Variants in CEP295 observed in about 807,000 individuals in gnomAD.
The protein encoded by CEP295 is centrosomal protein of 295 kDa.
A neutral mutation model predicts 291.6 loss-of-function variants in CEP295; 190 were observed. That is an observed-to-expected ratio of 0.65 (90% CI 0.58 to 0.73). The LOEUF is 0.73. Ranked by LOEUF, CEP295 falls within the 30% of genes least tolerant of loss-of-function variation. The pLI is 0.00. For missense variants in CEP295, 2,863 were observed against 2,949.4 expected, an observed-to-expected ratio of 0.97 and a Z score of 0.68; for synonymous variants, 993 against 1,038.8, an observed-to-expected ratio of 0.96 and a Z score of 0.85.
intron 6 of CEP295, among the ~76,000 whole-genome samples, chr11:93,677,255 T>A (rs1950740434): frequency 6.6e-6 from 1 of 152,128 alleles, no homozygotes; most frequent in Non-Finnish European, 1.5e-5. Flanking sequence ...ACAGCAGGTA[T>A]CATATAAAAA....
intron 24 of CEP295, 29 bp from the exon 25 acceptor site, chr11:93,728,652 A>T (rs1937768033): frequency 6.6e-7 from 1 of 1,505,820 alleles, no homozygotes; most frequent in Non-Finnish European, 8.8e-7. Context: ...CTATTTTGAC[A>T]TGGTTTTCCT....
Position 93,698,421 on chromosome 11 carries a change from C to A in CEP295, c.3509C>A (p.Ser1170Ter). The A allele has an allele frequency of 6.4e-7, 1 of 1,552,074 alleles. No individual in the cohort carries two copies. The highest frequency in any genetic ancestry group is 1.2e-5 in the South Asian group (1 of 84,054). The change falls in exon 15 of 30, where the codon TCA (serine) becomes TAA (stop). Residue 1170 changes from serine (S) to a stop codon, truncating the protein, a stop_gained. Transcript: ENST00000325212. LOFTEE classifies it high-confidence loss of function. ...AATTTGACAATACTCCAAGAACAGT[C>A]ACAAATACAAAGGGTAATACTTGGT... ...QENLTILQEQ[S>*]QIQRVILGAK...
At chr11:93,721,625 A>G in intron 19 of CEP295, 1 of 753,272 alleles carries the variant, frequency 1.3e-6, no homozygotes, top group Non-Finnish European at 2.4e-6. Flanking sequence ...TCTGAGAAGC[A>G]AAACTATAAA....
chr11:93,702,921 T>G lies in CEP295; in HGVS notation c.5596+2T>G. 4 of 1,526,046 alleles carry G rather than the reference T, an allele frequency of 2.6e-6. No homozygotes were observed. The highest frequency in any genetic ancestry group is 3.5e-6 in the Non-Finnish European group (4 of 1,139,108). 94.5% of individuals were successfully genotyped at this position (1,526,046 alleles called of 1,614,324 possible). On this transcript the variant is annotated splice_donor_variant, in intron 17 of 29. Coordinates refer to ENST00000325212, the MANE Select transcript of CEP295 (RefSeq NM_033395.2). LOFTEE classifies it high-confidence loss of function. ...CAATTGGCAGAACTTCTATACTAGG[T>G]AAATAGATGCTTTGATAAAACAAGA...
chr11:93,727,449 G>A lies in CEP295; in HGVS notation c.6973G>A (p.Val2325Ile). Residue 2325 changes from valine (V) to isoleucine (I), a missense_variant, in exon 24 of 30, where the codon GTA becomes ATA. Val to Ile is a conservative substitution (Grantham distance 29, BLOSUM62 3). This residue lies in a region of CEP295 where 2,295 missense variants were observed against 2,335.7 expected (regional missense o/e 0.98). Coordinates refer to ENST00000325212, the MANE Select transcript of CEP295 (RefSeq NM_033395.2). Reference protein sequence around the residue: ...QVEETDSRLCVRTVEMGTSIQ... With the variant: ...QVEETDSRLCIRTVEMGTSIQ... ...AGAGGAAACTGACTCTCGATTATGT[G>A]TAAGAACAGTGGAGATGGGAACTTC... The A allele has an allele frequency of 2.6e-6, 4 of 1,551,954 alleles. No homozygotes were observed. The highest frequency in any genetic ancestry group is 2.6e-6 in the Non-Finnish European group (3 of 1,146,996).
At chr11:93,694,092 C>T (rs1293704007) in intron 12 of CEP295, among the ~76,000 whole-genome samples, 1 of 152,196 alleles carries the variant, frequency 6.6e-6, no homozygotes, top group Non-Finnish European at 1.5e-5. Context: ...CAGTTGAAGC[C>T]ACTGTTGCCT....
At chr11:93,690,054 G>A (rs1417792217) in intron 10 of CEP295, among the ~76,000 whole-genome samples, 1 of 152,144 alleles carries the variant, frequency 6.6e-6, no homozygotes, top group African/African-American at 2.4e-5. Context: ...AGAAGTAAGG[G>A]AGAATATGGT....
chr11:93,715,481 A>C (rs1953180011), intron 18 of CEP295, among the ~76,000 whole-genome samples: 1 of 152,078 alleles, frequency 6.6e-6, no homozygotes, highest in Non-Finnish European at 1.5e-5. Context: ...GCTATTCCCC[A>C]CTGTGGCCAA....
chr11:93,729,362 T>C (rs1938011397), intron 25 of CEP295, 72 bp from the exon 26 acceptor site: 25 of 1,044,256 alleles, frequency 2.4e-5, no homozygotes, highest in Non-Finnish European at 3.6e-5. Flanking sequence ...CGCTGCACTC[T>C]AATCTGACAG....
intron 7 of CEP295, among the ~76,000 whole-genome samples, chr11:93,681,403 ATTTTTTTTTTT>A (rs71064773): frequency 4.4e-4 from 16 of 36,532 alleles, no homozygotes; most frequent in East Asian, 1.0e-3. Flanking sequence ...CACCCAGCTA[ATTTTTTTTTTT>A]TTTTTTTTTT....
rs758193741 is a variant in CEP295 at position 93,699,573 on chromosome 11, A to G, written c.4661A>G (p.Gln1554Arg). 13 of 1,551,948 alleles carry G rather than the reference A, an allele frequency of 8.4e-6. No homozygotes were observed. The highest frequency in any genetic ancestry group is 8.3e-5 in the South Asian group (7 of 84,062). The change falls in exon 15 of 30, where the codon CAG (glutamine) becomes CGG (arginine). Residue 1554 changes from glutamine (Q) to arginine (R), a missense_variant. Around this residue, in one of 3 missense-constraint regions of CEP295, gnomAD observed 2,295 missense variants for 2,335.7 expected, o/e 0.98. Transcript: ENST00000325212. ...GTTTGCTCCTCTTCATTTGTATCCCAGGTGCCTGTTGCTGACTCTGAAAGA... is the reference window on the plus strand; with the variant it reads ...GTTTGCTCCTCTTCATTTGTATCCCGGGTGCCTGTTGCTGACTCTGAAAGA... ...EQVCSSSFVSQVPVADSERTQ... is the reference protein window; with the variant it reads ...EQVCSSSFVSRVPVADSERTQ...
intron 18 of CEP295, among the ~76,000 whole-genome samples, chr11:93,709,331 G>A (rs1952738243): frequency 6.6e-6 from 1 of 152,120 alleles, no homozygotes; most frequent in African/African-American, 2.4e-5. Context: ...TATATGGTGA[G>A]GGATAGGGTC....
Position 93,729,668 on chromosome 11 carries a change from A to T in CEP295, c.7454A>T (p.Lys2485Met), listed in dbSNP as rs559743616. Residue 2485 changes from lysine (K) to methionine (M), a missense_variant, in exon 27 of 30, where the codon AAG (lysine) becomes ATG (methionine). Transcript: ENST00000325212. ...VPGSLQEAFI[K>M]RKKSFMERSH... The stretch of plus-strand genomic sequence containing the variant: ...GGGAGCTTACAAGAAGCATTTATAA[A>T]GAGGAAAAAATCATTTATGGAGAGA... 16 of 1,551,094 alleles carry T rather than the reference A, an allele frequency of 1.0e-5. No individual in the cohort carries two copies. The highest frequency in any genetic ancestry group is 2.0e-5 in the Admixed American group (1 of 50,904).
chr11:93,717,228 C>T (rs540964475), intron 18 of CEP295, among the ~76,000 whole-genome samples: 55 of 152,234 alleles, frequency 3.6e-4, no homozygotes, highest in African/African-American at 1.3e-3. Context: ...GCTTCTATTC[C>T]GTCTCTCTTG....
chr11:93,664,599 A>G (rs1404182090), intron 1 of CEP295, among the ~76,000 whole-genome samples: 2 of 152,240 alleles, frequency 1.3e-5, no homozygotes, highest in African/African-American at 4.8e-5. Context: ...ACTTCACATA[A>G]ATTAACTCAT....
intron 1 of CEP295, among the ~76,000 whole-genome samples, chr11:93,664,184 T>C (rs894600072): frequency 5.3e-5 from 8 of 151,868 alleles, no homozygotes; most frequent in African/African-American, 1.9e-4. Context: ...GACAAAATAA[T>C]AAAGATACAT....
intron 14 of CEP295, 108 bp downstream of exon 14, chr11:93,696,525 T>A: frequency 9.7e-7 from 1 of 1,028,538 alleles, no homozygotes; most frequent in Non-Finnish European, 1.4e-6. Context: ...AATTATGGCA[T>A]TTAGAACTGC....
Position 93,697,052 on chromosome 11 carries a change from T to C in CEP295, c.2140T>C (p.Ser714Pro), listed in dbSNP as rs1349588138. The C allele has an allele frequency of 1.5e-5, 23 of 1,551,486 alleles. No individual in the cohort carries two copies. The highest frequency in any genetic ancestry group is 3.9e-5 in the Admixed American group (2 of 50,990). Residue 714 changes from serine to proline, a missense_variant, in exon 15 of 30, where the codon TCT becomes CCT. Transcript: ENST00000325212. ...ATCACAAGAACATCTAAGGCAATTC[T>C]CTCAGACTGAAACACAACAGAGAGA... ...LESQEHLRQF[S>P]QTETQQRDYK...
chr11:93,690,030 A>G (rs1352956054), intron 10 of CEP295, among the ~76,000 whole-genome samples: 1 of 152,182 alleles, frequency 6.6e-6, no homozygotes, highest in African/African-American at 2.4e-5. Flanking sequence ...AAAGTCAGTA[A>G]AAGGAGTGGC....
Sources: gnomAD v4.1 joint callset for allele counts (sites outside exome capture counted in the v4.1 genomes callset) on GRCh38, gnomAD v4.1.1 for gene constraint, gnomAD v4.1.1 regional missense constraint, MANE v1.5 for transcripts, NCBI Gene and HGNC (gene_info 2026-07-23, HGNC 2026-07-21) for gene names.